Variants in QKI observed in about 807,000 individuals in gnomAD.
QKI encodes QKI, KH domain containing RNA binding.
In QKI, 10 loss-of-function variants were observed where a neutral mutation model predicts 39.0. The observed-to-expected ratio is 0.26, with a 90% CI of 0.16 to 0.43. QKI has a LOEUF of 0.43. Among genes scored for constraint, QKI ranks in the 20% least tolerant of loss-of-function variants. QKI has a pLI of 1.00. For synonymous variants in QKI, 204 were observed against 155.4 expected, an observed-to-expected ratio of 1.31 and a Z score of -2.33; for missense variants, 218 against 428.0, an observed-to-expected ratio of 0.51 and a Z score of 4.33.
At chr6:163,488,383 T>C (rs1194753413) in intron 3 of QKI, among the ~76,000 whole-genome samples, 1 of 152,174 alleles carries the variant, frequency 6.6e-6, no homozygotes, top group African/African-American at 2.4e-5. Flanking sequence ...TAGTCTGGGC[T>C]CTAGTGATTC....
intron 6 of QKI, chr6:163,565,999 C>G: frequency 6.2e-7 from 1 of 1,610,518 alleles, no homozygotes; most frequent in Non-Finnish European, 8.5e-7. Flanking sequence ...TAACTGAACC[C>G]TCATCAGATC....
chr6:163,572,971 T>A lies in QKI; in HGVS notation c.*2261T>A, dbSNP rs577726114. 2.0e-5 allele frequency: 3 copies of A among 152,312 alleles called. No individual in the cohort carries two copies. The highest frequency in any genetic ancestry group is 7.2e-5 in the African/African-American group (3 of 41,570). 9.4% of individuals were successfully genotyped at this position (152,312 alleles called of 1,614,324 possible). ...TATTGTTTGGTTGGTTGAATAAATT[T>A]GCGACACTCAAACACTTGAGGTGAT... On this transcript the variant is annotated 3_prime_UTR_variant, in exon 8 of 8. Transcript: ENST00000361752.
At chr6:163,500,665 A>C (rs935766131) in intron 3 of QKI, among the ~76,000 whole-genome samples, 4 of 152,204 alleles carry the variant, frequency 2.6e-5, no homozygotes, top group African/African-American at 9.6e-5. Flanking sequence ...AGGAGCATCA[A>C]ATAATGCATA....
At chr6:163,474,221 T>C (rs1344419313) in intron 2 of QKI, among the ~76,000 whole-genome samples, 3 of 152,186 alleles carry the variant, frequency 2.0e-5, no homozygotes, top group African/African-American at 4.8e-5. Context: ...GATTAAACTT[T>C]ATGGTGGACT....
At chr6:163,479,017 G>A (rs865957940) in intron 3 of QKI, 121 bp downstream of exon 3, 5 of 770,642 alleles carry the variant, frequency 6.5e-6, no homozygotes, top group Non-Finnish European at 4.1e-6. Context: ...CGGGCGCGGT[G>A]GCTCACGCCT....
chr6:163,430,264 G>C (rs1466736569), intron 1 of QKI, among the ~76,000 whole-genome samples: 1 of 152,040 alleles, frequency 6.6e-6, no homozygotes, highest in Non-Finnish European at 1.5e-5. Flanking sequence ...TTACATTATA[G>C]AGTGATATAT....
chr6:163,502,629 C>A (rs978317770), intron 3 of QKI, among the ~76,000 whole-genome samples: 2 of 152,124 alleles, frequency 1.3e-5, no homozygotes, highest in Non-Finnish European at 2.9e-5. Context: ...GTATTTATGG[C>A]AAACTTGAAA....
chr6:163,426,217 A>T (rs1788391055), intron 1 of QKI, among the ~76,000 whole-genome samples: 1 of 150,568 alleles, frequency 6.6e-6, no homozygotes, highest in Non-Finnish European at 1.5e-5. Context: ...TCTGGTTGTT[A>T]CGCCTTTTTA....
intron 4 of QKI, among the ~76,000 whole-genome samples, chr6:163,545,022 T>TAAGTG (rs1406564669): frequency 1.3e-5 from 2 of 152,096 alleles, no homozygotes; most frequent in African/African-American, 4.8e-5. Flanking sequence ...TCCTAAAATC[T>TAAGTG]CATTTAAGTG....
rs769375771 is a variant in QKI at position 163,561,976 on chromosome 6, G to T, written c.547-6G>T. On this transcript the variant is annotated splice_region_variant and splice_polypyrimidine_tract_variant and intron_variant, in intron 4 of 7. Transcript: ENST00000361752. ...TGCTTTCATCTCATGTGTTTTCCAT[G>T]TATAGGCAGAAGGAGAAGACAGCCT... is the stretch of plus-strand genomic sequence containing the variant. The T allele has an allele frequency of 6.2e-7, 1 of 1,611,060 alleles. No homozygotes were observed. The highest frequency in any genetic ancestry group is 8.5e-7 in the Non-Finnish European group (1 of 1,178,566).
At chr6:163,529,219 A>G (rs1780697668) in intron 3 of QKI, among the ~76,000 whole-genome samples, 1 of 152,176 alleles carries the variant, frequency 6.6e-6, no homozygotes, top group African/African-American at 2.4e-5. Context: ...AAGATACAGG[A>G]GCAAAGGTGA....
intron 1 of QKI, among the ~76,000 whole-genome samples, chr6:163,437,601 CAT>C (rs1789414345): frequency 6.6e-6 from 1 of 152,120 alleles, no homozygotes; most frequent in South Asian, 2.1e-4. Flanking sequence ...ATTTTAGAAT[CAT>C]GTGTTGAACA....
At chr6:163,568,877 TG>T in intron 7 of QKI, 1 of 985,842 alleles carries the variant, frequency 1.0e-6, no homozygotes, top group Non-Finnish European at 1.2e-6. Context: ...TGGTCTTGCA[TG>T]GTGACACACC....
chr6:163,508,383 G>C (rs1224227642), intron 3 of QKI, among the ~76,000 whole-genome samples: 1 of 151,840 alleles, frequency 6.6e-6, no homozygotes, highest in Admixed American at 6.6e-5. Flanking sequence ...AACCAATCAT[G>C]AAAGCAGCAA....
Position 163,433,499 on chromosome 6 carries a change from G to A in QKI, c.142+18164G>A, listed in dbSNP as rs186468516. On this transcript the variant is annotated intron_variant, in intron 1 of 7. Transcript: ENST00000361752. ...AATGAACCACAGGCCGGGCACGGTG[G>A]CTCATGCCTGTAATCCCAGCATTTT... Among the ~76,000 whole-genome samples the A allele has an allele frequency of 9.2e-5, 14 of 152,310 alleles. No homozygotes were observed. The East Asian group carries it at 2.5e-3, about 27-fold the overall frequency.
At chr6:163,543,583 T>C (rs1781678916) in intron 4 of QKI, among the ~76,000 whole-genome samples, 1 of 152,076 alleles carries the variant, frequency 6.6e-6, no homozygotes, top group African/African-American at 2.4e-5. Flanking sequence ...AATTTTCAAA[T>C]GTGAGAGGCG....
intron 2 of QKI, among the ~76,000 whole-genome samples, chr6:163,475,553 C>T (rs1792525987): frequency 6.6e-6 from 1 of 151,986 alleles, no homozygotes. Context: ...TCCCCCCCAC[C>T]CCAGATACCA....
At chr6:163,483,121 AT>A (rs1275997212) in intron 3 of QKI, among the ~76,000 whole-genome samples, 2 of 152,262 alleles carry the variant, frequency 1.3e-5, no homozygotes, top group African/African-American at 4.8e-5. Context: ...AGTTATGTTT[AT>A]ACCATACTAT....
intron 4 of QKI, among the ~76,000 whole-genome samples, chr6:163,550,385 T>C (rs771399613): frequency 6.6e-6 from 1 of 152,146 alleles, no homozygotes; most frequent in African/African-American, 2.4e-5. Flanking sequence ...ATGATCCACG[T>C]TGAGGATTAA....
Sources: allele counts gnomAD v4.1 joint callset (sites outside exome capture counted in the v4.1 genomes callset), GRCh38; gene constraint gnomAD v4.1.1; transcripts MANE v1.5; gene names NCBI Gene and HGNC (gene_info 2026-07-23, HGNC 2026-07-21).